The following MAPK10 variants were observed in gnomAD, a reference collection of about 807,000 sequenced individuals.
MAPK10 encodes the protein JNK3 alpha protein kinase.
In MAPK10, 25 loss-of-function variants were observed where a neutral mutation model predicts 59.3. That is an observed-to-expected ratio of 0.42 (90% CI 0.31 to 0.59). MAPK10 has a LOEUF of 0.59. MAPK10 is among the 20% of genes least tolerant of loss of function. The pLI is 0.15. For synonymous variants in MAPK10, 190 were observed against 200.5 expected, an observed-to-expected ratio of 0.95 and a Z score of 0.44; for missense variants, 351 against 568.9, an observed-to-expected ratio of 0.62 and a Z score of 3.90.
At position 86,317,221 on chromosome 4, in the gene MAPK10, C is replaced by G. The variant is rs535602877; in HGVS notation, c.-7+37309G>C. On this transcript the variant is annotated intron_variant, in intron 2 of 13. Coordinates refer to ENST00000641462, the MANE Select transcript of MAPK10 (RefSeq NM_138982.4). ...ACCACTATGAATCTGGGCTATTACGCTTTTCCTTTTCTATTAGAGTCTCTC... is the reference window on the plus strand; with the variant it reads ...ACCACTATGAATCTGGGCTATTACGGTTTTCCTTTTCTATTAGAGTCTCTC... 7.2e-5 allele frequency among the ~76,000 whole-genome samples: 11 copies of G among 152,202 alleles called. No homozygotes were observed. In the South Asian group the frequency reaches 8.3e-4, roughly 11 times the overall value.
chr4:86,451,676 T>C (rs1011412691), intron 1 of MAPK10, among the ~76,000 whole-genome samples: 10 of 152,122 alleles, frequency 6.6e-5, no homozygotes, highest in African/African-American at 2.4e-4. Context: ...GGAGCCCCAG[T>C]GTAAAACAAG....
At chr4:86,072,134 C>A (rs59102300) in intron 9 of MAPK10, among the ~76,000 whole-genome samples, 3,254 of 147,548 alleles carry the variant, frequency 0.022, 80 homozygotes, top group African/African-American at 0.063. Context: ...ATTCCTAGGT[C>A]TTTTATTCTC....
At chr4:86,466,839 T>C (rs1156610115) in intron 1 of MAPK10, among the ~76,000 whole-genome samples, 1 of 152,206 alleles carries the variant, frequency 6.6e-6, no homozygotes, top group African/African-American at 2.4e-5. Flanking sequence ...GGAGATTATA[T>C]GCCCTCAGCC....
chr4:86,037,506 C>T (rs916622713), intron 11 of MAPK10, among the ~76,000 whole-genome samples: 3 of 150,260 alleles, frequency 2.0e-5, no homozygotes, highest in East Asian at 1.9e-4. Flanking sequence ...GGTGACTGAG[C>T]GAGACTCCGT....
intron 3 of MAPK10, chr4:86,193,937 T>C (rs1203921307): frequency 5.6e-6 from 1 of 179,642 alleles, no homozygotes; most frequent in Admixed American, 5.5e-5. Flanking sequence ...AAGTGTAGCA[T>C]CTGCGCCAGA....
chr4:86,360,562 T>C (rs557176701), upstream of MAPK10, among the ~76,000 whole-genome samples: 3 of 152,280 alleles, frequency 2.0e-5, no homozygotes, highest in South Asian at 6.2e-4. Context: ...TTTGTAAAAA[T>C]CCTGAATAAA....
intron 4 of MAPK10, 182 bp from the exon 5 acceptor site, chr4:86,107,534 A>C (rs2056762784): frequency 8.1e-7 from 1 of 1,230,706 alleles, no homozygotes; most frequent in Non-Finnish European, 1.0e-6. Context: ...AATATTCTAC[A>C]TGCTAGGAGG....
chr4:86,028,211 G>A (rs558575494), intron 13 of MAPK10: 2 of 152,222 alleles, frequency 1.3e-5, no homozygotes, highest in South Asian at 4.2e-4. Context: ...TGTATGCGAG[G>A]GTGAATGAGT....
intron 11 of MAPK10, among the ~76,000 whole-genome samples, chr4:86,061,040 A>G (rs2045659907): frequency 6.6e-6 from 1 of 152,186 alleles, no homozygotes; most frequent in Admixed American, 6.5e-5. Context: ...CTGACTCCCA[A>G]GCATTTGCTA....
At chr4:86,232,248 A>G (rs1277213460) in intron 2 of MAPK10, among the ~76,000 whole-genome samples, 2 of 152,256 alleles carry the variant, frequency 1.3e-5, no homozygotes, top group African/African-American at 2.4e-5. Flanking sequence ...AAACATGAGC[A>G]AAATGACCTG....
At chr4:86,026,330 T>G (rs1033677619) in intron 13 of MAPK10, 4 of 152,232 alleles carry the variant, frequency 2.6e-5, no homozygotes, top group Non-Finnish European at 5.9e-5. Flanking sequence ...TTTCAATTCA[T>G]GGACTGCTAG....
At chr4:86,098,830 C>T in intron 8 of MAPK10, 2 of 428,478 alleles carry the variant, frequency 4.7e-6, no homozygotes, top group South Asian at 3.5e-5. Context: ...GGGTGCCTTA[C>T]ATTGCCTCTC....
intron 1 of MAPK10, among the ~76,000 whole-genome samples, chr4:86,427,757 T>C (rs966934125): frequency 6.6e-6 from 1 of 152,242 alleles, no homozygotes. Context: ...AAAATTTTTA[T>C]ACTTTATTTC....
In MAPK10 at chr4:86,214,344, T is replaced by G. The variant is rs981334634; in HGVS notation, c.-6-19937A>C. 2.0e-5 allele frequency among the ~76,000 whole-genome samples: 3 copies of G among 152,008 alleles called. No individual in the cohort carries two copies. In the East Asian group the frequency reaches 5.8e-4, roughly 29 times the overall value. On this transcript the variant is annotated intron_variant, in intron 2 of 13. Transcript: ENST00000641462. ...GGAACAAGGTAAGGATGTTCACTTT[T>G]ACACCTTCTATTCAACAAATTTCTA... is the stretch of plus-strand genomic sequence containing the variant.
intron 2 of MAPK10, among the ~76,000 whole-genome samples, chr4:86,260,294 T>A (rs886370318): frequency 6.6e-6 from 1 of 152,062 alleles, no homozygotes; most frequent in African/African-American, 2.4e-5. Context: ...TAAAATAGGG[T>A]TTTAATTAAA....
At chr4:86,581,258 TA>T (rs528787219) in intron 1 of MAPK10, among the ~76,000 whole-genome samples, 111 of 146,728 alleles carry the variant, frequency 7.6e-4, no homozygotes, top group Admixed American at 6.1e-4. Context: ...GTCTGAAATT[TA>T]AAAAAAAAAA....
intron 1 of MAPK10, among the ~76,000 whole-genome samples, chr4:86,467,849 C>T (rs1332550473): frequency 1.3e-5 from 2 of 152,192 alleles, no homozygotes; most frequent in East Asian, 1.9e-4. Flanking sequence ...CCAATACCAA[C>T]CCTTTTGTGT....
At chr4:86,248,351 T>C (rs2093228590) in intron 2 of MAPK10, among the ~76,000 whole-genome samples, 1 of 152,214 alleles carries the variant, frequency 6.6e-6, no homozygotes, top group Admixed American at 6.5e-5. Flanking sequence ...TCGTGTGAGA[T>C]ACAAACTGTA....
chr4:86,245,421 C>T (rs1009009098), intron 2 of MAPK10, among the ~76,000 whole-genome samples: 2 of 151,830 alleles, frequency 1.3e-5, no homozygotes, highest in African/African-American at 4.8e-5. Context: ...AAGTGATCCT[C>T]CCACCTTAGC....
Sources: gnomAD v4.1 joint callset for allele counts (sites outside exome capture counted in the v4.1 genomes callset) on GRCh38, gnomAD v4.1.1 for gene constraint, MANE v1.5 for transcripts, NCBI Gene and HGNC (gene_info 2026-07-23, HGNC 2026-07-21) for gene names.